PAXIP1: variants seen among roughly 807,000 people sequenced by gnomAD.
PAXIP1 encodes PAX interacting protein 1.
Under a neutral mutation model 140.6 loss-of-function variants are expected in PAXIP1, and 19 were observed. The ratio of observed to expected loss-of-function variants is 0.14; its 90% CI spans 0.09 to 0.20. The LOEUF (loss-of-function observed/expected upper bound fraction) is 0.20, where lower values mean the gene tolerates loss of function less well. Ranked by LOEUF, PAXIP1 falls within the 10% of genes least tolerant of loss-of-function variation. PAXIP1 has a pLI of 1.00. For missense variants in PAXIP1, 920 were observed against 1,208.6 expected (o/e 0.76, Z 3.54); for synonymous variants, 442 against 444.6 (o/e 0.99, Z 0.07).
intron 3 of PAXIP1, 132 bp from the exon 4 acceptor site, chr7:154,991,201 AGAGTACAGG>A (rs1432523309): frequency 3.7e-6 from 2 of 545,396 alleles, no homozygotes; most frequent in African/African-American, 4.0e-5. Context: ...TAGACAAAGA[AGAGTACAGG>A]GCAGAGTGGA....
intron 20 of PAXIP1, 43 bp from the exon 21 acceptor site, chr7:154,944,207 G>T (rs1563356057): frequency 6.4e-7 from 1 of 1,565,818 alleles, no homozygotes; most frequent in African/African-American, 1.4e-5. Context: ...CAAGGCAAAA[G>T]AAAAACATGA....
intron 5 of PAXIP1, among the ~76,000 whole-genome samples, chr7:154,979,626 G>C (rs1453535941): frequency 8.5e-6 from 1 of 118,314 alleles, no homozygotes; most frequent in African/African-American, 3.3e-5. Context: ...ACATAATCGT[G>C]AATCAAGAAC....
intron 6 of PAXIP1, among the ~76,000 whole-genome samples, chr7:154,972,324 T>C (rs545641663): frequency 6.6e-6 from 1 of 152,174 alleles, no homozygotes; most frequent in East Asian, 1.9e-4. Flanking sequence ...CCGTCTCTAA[T>C]AAAAATGAAC....
intron 4 of PAXIP1, among the ~76,000 whole-genome samples, chr7:154,987,797 A>G (rs1233620819): frequency 6.6e-6 from 1 of 152,156 alleles, no homozygotes. Flanking sequence ...TTTGCACCAC[A>G]GCATCCCATG....
chr7:154,958,907 A>G (rs913860584), intron 13 of PAXIP1, among the ~76,000 whole-genome samples: 11 of 152,202 alleles, frequency 7.2e-5, no homozygotes, highest in African/African-American at 1.2e-4. Flanking sequence ...ATGTGTCAAA[A>G]CTGGTCATGT....
intron 13 of PAXIP1, among the ~76,000 whole-genome samples, chr7:154,958,693 C>A (rs1016959584): frequency 2.6e-5 from 4 of 152,130 alleles, no homozygotes; most frequent in Non-Finnish European, 5.9e-5. Context: ...ATAAACTGGG[C>A]CTCTTTGTCT....
At chr7:154,949,661 A>T (rs1408099619) in intron 16 of PAXIP1, 1 of 152,204 alleles carries the variant, frequency 6.6e-6, no homozygotes, top group Admixed American at 6.5e-5. Flanking sequence ...GCACTTTGGG[A>T]GGCCGAGGTG....
intron 3 of PAXIP1, among the ~76,000 whole-genome samples, chr7:154,992,095 T>C (rs758099780): frequency 6.6e-6 from 1 of 152,198 alleles, no homozygotes; most frequent in Non-Finnish European, 1.5e-5. Flanking sequence ...TGGGGAAATA[T>C]TAATAAAGGC....
chr7:155,002,018 G>GTA (rs1810925807), intron 1 of PAXIP1: 1 of 152,196 alleles, frequency 6.6e-6, no homozygotes, highest in Admixed American at 6.6e-5. Context: ...CAACACAACT[G>GTA]TACAGCTAAA....
At chr7:154,977,810 T>C (rs893383062) in intron 5 of PAXIP1, among the ~76,000 whole-genome samples, 5 of 152,230 alleles carry the variant, frequency 3.3e-5, no homozygotes, top group African/African-American at 9.6e-5. Flanking sequence ...ACAAATACTT[T>C]ATAATGTTCC....
At chr7:154,945,464 C>G (rs577036868) in intron 20 of PAXIP1, 1 of 923,626 alleles carries the variant, frequency 1.1e-6, no homozygotes, top group Non-Finnish European at 1.3e-6. Flanking sequence ...CAGGCACACA[C>G]GAAGAAAAAA....
At chr7:154,962,091 ACTGGAGAATCCATTAAATAT>A (rs1296540080) in intron 10 of PAXIP1, among the ~76,000 whole-genome samples, 1 of 152,248 alleles carries the variant, frequency 6.6e-6, no homozygotes, top group Non-Finnish European at 1.5e-5. Context: ...AGTGTCAAAG[ACTGGAGAATCCATTAAATAT>A]CTACTATGTG....
rs199935384 is a variant in PAXIP1, at chr7:154,975,844, C to T, written c.926G>A (p.Arg309Gln). 1.0e-4 allele frequency: 167 copies of T among 1,613,966 alleles called. No homozygotes were observed. Among genetic ancestry groups the T allele is most frequent in the African/African-American group, 1.7e-4 (13 of 75,028 alleles). Residue 309 changes from arginine (R) to glutamine (Q), a missense_variant, in exon 6 of 21, where the codon CGG becomes CAG. Coordinates refer to ENST00000404141, the MANE Select transcript of PAXIP1 (RefSeq NM_007349.4). ...VPGNILPPEV[R>Q]GNLMAAGQNL... ...TTGTCCAGCAGCCATTAAATTACCC[C>T]GGACCTCAGGGGGCAAAATGTTACC...
chr7:154,965,971 C>A (rs1429359894), intron 8 of PAXIP1, among the ~76,000 whole-genome samples: 2 of 152,118 alleles, frequency 1.3e-5, no homozygotes, highest in Non-Finnish European at 2.9e-5. Flanking sequence ...CTAGTTCTCT[C>A]GACACCTACT....
Position 154,983,233 on chromosome 7 carries a change from G to A in PAXIP1, c.424C>T (p.Pro142Ser), listed in dbSNP as rs771163096. Residue 142 changes from proline (P) to serine (S), a missense_variant, in exon 5 of 21, where the codon CCA becomes TCA. By Grantham distance (74) the Pro-to-Ser change is moderately conservative (BLOSUM62 -1). Coordinates refer to ENST00000404141, the MANE Select transcript of PAXIP1 (RefSeq NM_007349.4). ...LNKKCTHLIVPEPKGEKYECA... is the reference protein window; with the variant it reads ...LNKKCTHLIVSEPKGEKYECA... ...GAAACGCTTACCCCCTTTGGCTCTG[G>A]AACAATCAAATGCGTGCATTTCTTA... is the stretch of plus-strand genomic sequence containing the variant. 6.3e-6 allele frequency: 10 copies of A among 1,599,144 alleles called. No homozygotes were observed. The East Asian group carries it at 2.0e-4, about 32-fold the overall frequency.
intron 2 of PAXIP1, among the ~76,000 whole-genome samples, chr7:154,997,017 AGTTTGTAGGAAG>A (rs1190923339): frequency 4.6e-5 from 7 of 152,246 alleles, no homozygotes; most frequent in African/African-American, 1.7e-4. Context: ...AGAGAAAGAA[AGTTTGTAGGAAG>A]GAGAAGGAAG....
rs750820480 is a variant in PAXIP1, at chr7:154,954,399, C to T, written c.2677G>A (p.Val893Ile). ...IKKLYILGGE[V>I]AESAQKCTHL... ...GTGCACTTCTGTGCAGACTCCGCAA[C>T]CTCTCCACCAAGAATGTAGAGCTTC... Residue 893 changes from valine (V) to isoleucine (I), a missense_variant, in exon 16 of 21, where the codon GTT (valine) becomes ATT (isoleucine). Around this residue, in one of 5 missense-constraint regions of PAXIP1, gnomAD observed 303 missense variants for 517.9 expected, o/e 0.59. Coordinates refer to ENST00000404141, the MANE Select transcript of PAXIP1 (RefSeq NM_007349.4). This position sits in a 1 kb window ranked among gnomAD's most constrained non-coding sequence, Gnocchi z 5.1. The T allele has an allele frequency of 1.3e-6, 2 of 1,564,740 alleles. No individual in the cohort carries two copies. The highest frequency in any genetic ancestry group is 1.2e-5 in the South Asian group (1 of 85,680).
intron 20 of PAXIP1, chr7:154,945,509 G>A: frequency 1.0e-6 from 1 of 985,298 alleles, no homozygotes; most frequent in Non-Finnish European, 1.2e-6. Context: ...TCTGACCTCT[G>A]CGCCTTACTG....
chr7:154,980,749 T>C (rs895344211), intron 5 of PAXIP1, among the ~76,000 whole-genome samples: 1 of 152,134 alleles, frequency 6.6e-6, no homozygotes, highest in Admixed American at 6.6e-5. Context: ...TCTTCTAGGG[T>C]AGTTATGCTT....
Sources: allele counts gnomAD v4.1 joint callset (sites outside exome capture counted in the v4.1 genomes callset), GRCh38; gene constraint gnomAD v4.1.1; regional missense constraint gnomAD v4.1.1; non-coding constraint Gnocchi (gnomAD v3.1); transcripts MANE v1.5; gene names NCBI Gene and HGNC (gene_info 2026-07-23, HGNC 2026-07-21).